Variants in ROBO1 observed in about 807,000 individuals in gnomAD.
ROBO1 encodes roundabout homolog 1.
In ROBO1, 149 loss-of-function variants were observed where a neutral mutation model predicts 195.9. The ratio of observed to expected loss-of-function variants is 0.76; its 90% CI spans 0.67 to 0.87. The LOEUF (loss-of-function observed/expected upper bound fraction) is 0.87. ROBO1 is among the 40% of genes least tolerant of loss of function. The pLI, the probability that ROBO1 is intolerant of heterozygous loss-of-function variation, is 0.00. For synonymous variants in ROBO1, 816 were observed against 733.2 expected (o/e 1.11, Z -1.82); for missense variants, 1,933 against 2,068.3 (o/e 0.93, Z 1.27).
At chr3:79,110,608 G>A (rs2079867891) in intron 3 of ROBO1, among the ~76,000 whole-genome samples, 2 of 149,506 alleles carry the variant, frequency 1.3e-5, no homozygotes, top group Non-Finnish European at 3.0e-5. Flanking sequence ...TTGATTTGAA[G>A]TGAGGGAAAT....
chr3:78,793,533 A>C (rs887875147), intron 4 of ROBO1, among the ~76,000 whole-genome samples: 1 of 152,194 alleles, frequency 6.6e-6, no homozygotes, highest in Admixed American at 6.5e-5. Context: ...GTCTAATTGC[A>C]GGTACATGAT....
At chr3:79,652,206 AG>A (rs1217491825) in intron 1 of ROBO1, among the ~76,000 whole-genome samples, 1 of 152,106 alleles carries the variant, frequency 6.6e-6, no homozygotes, top group Non-Finnish European at 1.5e-5. Context: ...GAGATTCTCC[AG>A]GGGGAATTCT....
At chr3:79,435,569 G>A (rs1456471316) in intron 2 of ROBO1, among the ~76,000 whole-genome samples, 1 of 152,086 alleles carries the variant, frequency 6.6e-6, no homozygotes, top group African/African-American at 2.4e-5. Flanking sequence ...CTGAGTCTAT[G>A]TCGGAATTAC....
chr3:78,674,237 C>T (rs1170095493), intron 10 of ROBO1, among the ~76,000 whole-genome samples: 1 of 152,182 alleles, frequency 6.6e-6, no homozygotes, highest in East Asian at 1.9e-4. Flanking sequence ...GGATAGGTCA[C>T]AGCTACAGTC....
chr3:79,569,767 T>C (rs1943218015), intron 2 of ROBO1, among the ~76,000 whole-genome samples: 1 of 151,846 alleles, frequency 6.6e-6, no homozygotes, highest in Admixed American at 6.6e-5. Context: ...TTCCTGAAGC[T>C]TTAGTTTACC....
intron 3 of ROBO1, among the ~76,000 whole-genome samples, chr3:79,000,462 A>G (rs1277352474): frequency 6.6e-6 from 1 of 152,182 alleles, no homozygotes; most frequent in African/African-American, 2.4e-5. Context: ...AAGTGGGCAA[A>G]GGATATGAAC....
intron 1 of ROBO1, among the ~76,000 whole-genome samples, chr3:79,762,436 A>T (rs1704746817): frequency 6.6e-6 from 1 of 152,200 alleles, no homozygotes; most frequent in South Asian, 2.1e-4. Flanking sequence ...GAAACGAATA[A>T]ATGATTACAA....
rs994419859 is a variant in ROBO1 at position 79,019,004 on chromosome 3, G to C, written c.173-80077C>G. The C allele has an allele frequency of 5.9e-5, 58 of 990,512 alleles. 2 individuals are homozygous for C. The Admixed American group carries it at 1.8e-3, about 31-fold the overall frequency. 61.4% of individuals were successfully genotyped at this position (990,512 alleles called of 1,614,324 possible). ...AGCAGCAGCTCCGGAGGAAGGGCTCGGGGTGCCGGGAGTGTGACTGGGTGA... is the reference window on the plus strand; with the variant it reads ...AGCAGCAGCTCCGGAGGAAGGGCTCCGGGTGCCGGGAGTGTGACTGGGTGA... On this transcript the variant is annotated intron_variant, in intron 3 of 30. Transcript: ENST00000464233.
At chr3:79,122,009 A>C (rs2108563352) in intron 3 of ROBO1, among the ~76,000 whole-genome samples, 1 of 152,110 alleles carries the variant, frequency 6.6e-6, no homozygotes, top group African/African-American at 2.4e-5. Context: ...AAATTTCAAT[A>C]TTCTTAGATT....
intron 2 of ROBO1, among the ~76,000 whole-genome samples, chr3:79,462,976 T>G (rs1365167897): frequency 6.6e-6 from 1 of 152,224 alleles, no homozygotes; most frequent in Admixed American, 6.5e-5. Flanking sequence ...CAGAATGTTT[T>G]CATGTCAAGT....
chr3:79,535,644 G>T (rs1346602827), intron 2 of ROBO1, among the ~76,000 whole-genome samples: 1 of 152,118 alleles, frequency 6.6e-6, no homozygotes, highest in Non-Finnish European at 1.5e-5. Flanking sequence ...TTTTAGGAAA[G>T]GTGTGTTGGA....
intron 2 of ROBO1, among the ~76,000 whole-genome samples, chr3:79,162,801 G>T (rs892291426): frequency 6.6e-6 from 1 of 152,060 alleles, no homozygotes; most frequent in African/African-American, 2.4e-5. Flanking sequence ...CAGCAAGCAT[G>T]AGATTCTGCA....
chr3:79,249,205 C>G lies in ROBO1; in HGVS notation c.89-123666G>C, dbSNP rs145010173. 7.9e-5 allele frequency among the ~76,000 whole-genome samples: 12 copies of G among 152,234 alleles called. No homozygotes were observed. The East Asian group carries it at 2.3e-3, about 29-fold the overall frequency. On this transcript the variant is annotated intron_variant, in intron 2 of 30. Coordinates refer to ENST00000464233, the MANE Select transcript of ROBO1 (RefSeq NM_002941.4). The stretch of plus-strand genomic sequence containing the variant: ...TACAGTTTTGACCAATACGTGTAAC[C>G]TTGCAGCTGCTGGGTGGGCATTTTG...
chr3:79,540,227 A>G (rs1011682247), intron 2 of ROBO1, among the ~76,000 whole-genome samples: 3 of 152,102 alleles, frequency 2.0e-5, no homozygotes, highest in Non-Finnish European at 4.4e-5. Flanking sequence ...AGAGTTCAAC[A>G]GTACTCGGCA....
chr3:78,923,047 T>G (rs2039029301), intron 4 of ROBO1, among the ~76,000 whole-genome samples: 1 of 152,130 alleles, frequency 6.6e-6, no homozygotes, highest in Non-Finnish European at 1.5e-5. Context: ...CAAATTATTT[T>G]CCAATAGTTA....
chr3:79,606,721 A>G (rs1317652999), intron 1 of ROBO1, among the ~76,000 whole-genome samples: 2 of 151,322 alleles, frequency 1.3e-5, no homozygotes, highest in African/African-American at 4.9e-5. Flanking sequence ...TATTTGCCAG[A>G]TTTCTCTCTT....
intron 2 of ROBO1, among the ~76,000 whole-genome samples, chr3:79,255,059 G>T (rs1303367588): frequency 6.6e-6 from 1 of 152,176 alleles, no homozygotes; most frequent in East Asian, 1.9e-4. Flanking sequence ...CGCATTTGCT[G>T]GGTAATACCA....
rs76480170 is a variant in ROBO1 at position 79,664,825 on chromosome 3, C to T, written c.-50-74864G>A. On this transcript the variant is annotated intron_variant, in intron 1 of 30. Transcript: ENST00000464233. ...CTAACAATAAATATTCAATGCCTTCCGGTACTGTAGGCAGGTTTTCTGAAA... is the reference window on the plus strand; with the variant it reads ...CTAACAATAAATATTCAATGCCTTCTGGTACTGTAGGCAGGTTTTCTGAAA... Among the ~76,000 whole-genome samples the T allele has an allele frequency of 7.4e-3, 1,127 of 151,926 alleles. 12 individuals carry two copies. The highest frequency in any genetic ancestry group is 0.026 in the African/African-American group (1,066 of 41,472).
chr3:79,441,006 A>T (rs2039036959), intron 2 of ROBO1, among the ~76,000 whole-genome samples: 1 of 152,188 alleles, frequency 6.6e-6, no homozygotes, highest in Non-Finnish European at 1.5e-5. Context: ...AAAGTTTGAC[A>T]TACGGAGCAA....
Sources: gnomAD v4.1 joint callset for allele counts (sites outside exome capture counted in the v4.1 genomes callset) on GRCh38, gnomAD v4.1.1 for gene constraint, MANE v1.5 for transcripts, NCBI Gene and HGNC (gene_info 2026-07-23, HGNC 2026-07-21) for gene names.